FSIP1: variants seen among roughly 807,000 people sequenced by gnomAD.
The protein encoded by FSIP1 is fibrous sheath-interacting protein 1.
Under a neutral mutation model 60.9 loss-of-function variants are expected in FSIP1, and 65 were observed. The observed-to-expected ratio is 1.07, with a 90% CI of 0.87 to 1.31. The LOEUF is 1.31. Ranked by LOEUF, FSIP1 falls within the 40% of genes most tolerant of loss-of-function variation. FSIP1 has a pLI of 0.00. For missense variants in FSIP1, 675 were observed against 665.5 expected (o/e 1.01, Z -0.16); for synonymous variants, 209 against 221.2 (o/e 0.94, Z 0.49).
At chr15:39,650,566 ATGGATCTTTGATGGCTG>A (rs1892823949) in intron 10 of FSIP1, among the ~76,000 whole-genome samples, 1 of 152,150 alleles carries the variant, frequency 6.6e-6, no homozygotes, top group Non-Finnish European at 1.5e-5. Context: ...AGTACAATCA[ATGGATCTTTGATGGCTG>A]AGACAGGTTG....
intron 10 of FSIP1, among the ~76,000 whole-genome samples, chr15:39,645,873 A>G (rs1040197133): frequency 2.0e-5 from 3 of 152,340 alleles, no homozygotes; most frequent in Admixed American, 6.5e-5. Context: ...GGAGGCAGAC[A>G]GAGTCCGGGG....
intron 10 of FSIP1, among the ~76,000 whole-genome samples, chr15:39,649,013 T>C (rs867937933): frequency 6.6e-6 from 1 of 152,172 alleles, no homozygotes; most frequent in African/African-American, 2.4e-5. Flanking sequence ...TGGAAATCTT[T>C]ATCCAGCCTA....
chr15:39,741,983 T>C, intron 5 of FSIP1, 83 bp from the exon 6 acceptor site: 2 of 737,722 alleles, frequency 2.7e-6, no homozygotes, highest in Non-Finnish European at 4.7e-6. Context: ...AAAGATAACA[T>C]TTAATATTCT....
At chr15:39,652,333 G>C (rs958184542) in intron 10 of FSIP1, among the ~76,000 whole-genome samples, 2 of 152,200 alleles carry the variant, frequency 1.3e-5, no homozygotes, top group African/African-American at 4.8e-5. Flanking sequence ...CATTTATTAA[G>C]AGAGCAAGAA....
At chr15:39,624,778 A>C (rs8030643) in intron 10 of FSIP1, among the ~76,000 whole-genome samples, 4,315 of 152,264 alleles carry the variant, frequency 0.028, 198 homozygotes, top group African/African-American at 0.099. Context: ...AATCTGGCAT[A>C]TTTTTCACCA....
chr15:39,760,298 T>C (rs371483849), intron 5 of FSIP1, among the ~76,000 whole-genome samples: 1 of 152,110 alleles, frequency 6.6e-6, no homozygotes, highest in Non-Finnish European at 1.5e-5. Context: ...AATTAGTAGG[T>C]GAAAGCTGGA....
intron 10 of FSIP1, among the ~76,000 whole-genome samples, chr15:39,645,354 T>A (rs1202579186): frequency 6.6e-6 from 1 of 151,910 alleles, no homozygotes; most frequent in Non-Finnish European, 1.5e-5. Flanking sequence ...CTCTTCTGAG[T>A]TGGAAAGAGA....
At position 39,618,081 on chromosome 15, in the gene FSIP1, T is replaced by C. The variant is rs140585650; in HGVS notation, c.1353A>G (p.Lys451=). ...CCTTTGTTTCTGATTCATTTAGCAA[T>C]TTAGAGATGATGGACCTGGAAAGCT... is the stretch of plus-strand genomic sequence containing the variant. ...FPQLSRSIIS[K]LLNESETKVQ... is the part of the protein sequence containing the mutation. Residue 451 remains lysine, a synonymous_variant, in exon 11 of 12, where the codon AAA becomes AAG. Coordinates refer to ENST00000350221, the MANE Select transcript of FSIP1 (RefSeq NM_152597.5). 58 of 1,614,200 alleles carry C rather than the reference T, an allele frequency of 3.6e-5. No individual in the cohort carries two copies. In the African/African-American group the frequency reaches 5.3e-4, roughly 15 times the overall value.
At chr15:39,656,922 C>T (rs1893094692) in intron 10 of FSIP1, among the ~76,000 whole-genome samples, 1 of 152,140 alleles carries the variant, frequency 6.6e-6, no homozygotes, top group South Asian at 2.1e-4. Flanking sequence ...GGTTGAGGGC[C>T]CGTGTGTGTT....
At chr15:39,764,792 C>T (rs1345937393) in intron 4 of FSIP1, among the ~76,000 whole-genome samples, 2 of 152,208 alleles carry the variant, frequency 1.3e-5, no homozygotes, top group Non-Finnish European at 2.9e-5. Context: ...TTGACCAGCA[C>T]AGGAAACAGT....
chr15:39,629,361 C>T (rs2412415), intron 10 of FSIP1, among the ~76,000 whole-genome samples: 27,572 of 152,070 alleles, frequency 0.18, 3,050 homozygotes, highest in East Asian at 0.32. Flanking sequence ...GTACTGTATG[C>T]AGTAACCACA....
chr15:39,636,482 G>T (rs770850100), intron 10 of FSIP1, among the ~76,000 whole-genome samples: 1 of 152,202 alleles, frequency 6.6e-6, no homozygotes, highest in African/African-American at 2.4e-5. Flanking sequence ...AAGGAGAACT[G>T]ACCTACCTTT....
At chr15:39,621,799 T>A (rs1891450803) in intron 10 of FSIP1, among the ~76,000 whole-genome samples, 1 of 152,178 alleles carries the variant, frequency 6.6e-6, no homozygotes, top group Non-Finnish European at 1.5e-5. Flanking sequence ...ATGAAATACA[T>A]TAAGCCCTCA....
chr15:39,685,882 C>T (rs544475883), intron 10 of FSIP1, among the ~76,000 whole-genome samples: 2 of 152,326 alleles, frequency 1.3e-5, no homozygotes, highest in East Asian at 3.9e-4. Context: ...ATTCTGCATG[C>T]TCTCTGTACA....
At chr15:39,741,725 T>C (rs368692527) in intron 6 of FSIP1, 80 bp downstream of exon 6, 2 of 728,720 alleles carry the variant, frequency 2.7e-6, no homozygotes, top group East Asian at 5.4e-5. Flanking sequence ...TTACATGAAC[T>C]TATTTCATTT....
chr15:39,773,269 G>T (rs1342702591), intron 2 of FSIP1, among the ~76,000 whole-genome samples: 2 of 152,180 alleles, frequency 1.3e-5, no homozygotes, highest in Non-Finnish European at 2.9e-5. Context: ...TGAATGATTT[G>T]CAATCAGCAG....
At chr15:39,655,072 G>T (rs938420830) in intron 10 of FSIP1, among the ~76,000 whole-genome samples, 10 of 152,264 alleles carry the variant, frequency 6.6e-5, no homozygotes, top group African/African-American at 2.2e-4. Flanking sequence ...GTTTATTAGG[G>T]TATGGAAGTT....
chr15:39,661,751 C>T (rs1893304296), intron 10 of FSIP1, among the ~76,000 whole-genome samples: 2 of 152,196 alleles, frequency 1.3e-5, no homozygotes, highest in Non-Finnish European at 1.5e-5. Context: ...ATAAGAGATA[C>T]AGCTTCCTAA....
intron 10 of FSIP1, among the ~76,000 whole-genome samples, chr15:39,674,221 AT>A (rs1472815072): frequency 6.6e-6 from 1 of 151,902 alleles, no homozygotes; most frequent in Non-Finnish European, 1.5e-5. Context: ...CACCCAGCTA[AT>A]TTTTTGTAGT....
Sources: gnomAD v4.1 joint callset for allele counts (sites outside exome capture counted in the v4.1 genomes callset) on GRCh38, gnomAD v4.1.1 for gene constraint, MANE v1.5 for transcripts, NCBI Gene and HGNC (gene_info 2026-07-23, HGNC 2026-07-21) for gene names.